Variants in GRM7 observed in about 807,000 individuals in gnomAD.
GRM7 encodes metabotropic glutamate receptor 7.
A neutral mutation model predicts 84.5 loss-of-function variants in GRM7; 35 were observed. The ratio of observed to expected loss-of-function variants is 0.41; its 90% confidence interval spans 0.32 to 0.55. The LOEUF (loss-of-function observed/expected upper bound fraction) is 0.55, where lower values mean the gene tolerates loss of function less well. GRM7 is among the 20% of genes least tolerant of loss of function. The probability of loss-of-function intolerance (pLI) is 0.19; values close to 1 mark genes in which losing one functional copy is unlikely to be tolerated. For synonymous variants in GRM7, 487 were observed against 455.1 expected, an observed-to-expected ratio of 1.07 and a Z score of -0.89; for missense variants, 1,003 against 1,194.6, an observed-to-expected ratio of 0.84 and a Z score of 2.36.
chr3:6,988,695 T>A (rs535990318), intron 1 of GRM7, among the ~76,000 whole-genome samples: 1 of 152,330 alleles, frequency 6.6e-6, no homozygotes, highest in Admixed American at 6.5e-5. Context: ...AGCCTTAAAA[T>A]TTACTTGTCA....
chr3:7,300,229 C>T, intron 3 of GRM7, among the ~76,000 whole-genome samples: 1 of 152,204 alleles, frequency 6.6e-6, no homozygotes, highest in South Asian at 2.1e-4. Context: ...GTTTAATGGC[C>T]TGGGCCCTTA....
At chr3:7,317,526 C>T (rs867603341) in intron 4 of GRM7, among the ~76,000 whole-genome samples, 14 of 152,070 alleles carry the variant, frequency 9.2e-5, no homozygotes, top group Admixed American at 2.0e-4. Flanking sequence ...CAATTTACTT[C>T]TAGTCCTATA....
chr3:7,074,701 C>G (rs188097006), intron 1 of GRM7, among the ~76,000 whole-genome samples: 31 of 152,096 alleles, frequency 2.0e-4, no homozygotes, highest in Non-Finnish European at 1.2e-4. Context: ...AAAACAAGAA[C>G]AAAAATCTGG....
chr3:7,722,281 G>T (rs1485685886), intron 9 of GRM7, among the ~76,000 whole-genome samples: 1 of 152,138 alleles, frequency 6.6e-6, no homozygotes, highest in Non-Finnish European at 1.5e-5. Flanking sequence ...ACCAAGTCCT[G>T]TTCTAGTTCG....
intron 8 of GRM7, among the ~76,000 whole-genome samples, chr3:7,623,028 C>T (rs1697433761): frequency 1.3e-5 from 2 of 152,166 alleles, no homozygotes; most frequent in Non-Finnish European, 2.9e-5. Flanking sequence ...TGCCATGTGG[C>T]AGTCTTTCTT....
intron 9 of GRM7, chr3:7,691,379 C>A (rs944734041): frequency 1.6e-6 from 1 of 620,280 alleles, no homozygotes; most frequent in South Asian, 2.1e-5. Context: ...CTATCTTTTT[C>A]TCTGGTCAAG....
chr3:6,943,857 C>A (rs2125059888), intron 1 of GRM7, among the ~76,000 whole-genome samples: 1 of 152,102 alleles, frequency 6.6e-6, no homozygotes, highest in East Asian at 1.9e-4. Flanking sequence ...TTAATTTCCT[C>A]AGCAATGTTT....
At chr3:7,466,971 A>T (rs1349693435) in intron 7 of GRM7, among the ~76,000 whole-genome samples, 1 of 152,212 alleles carries the variant, frequency 6.6e-6, no homozygotes, top group African/African-American at 2.4e-5. Flanking sequence ...CACAGCAGGC[A>T]TTTGTTATTT....
At position 7,516,476 on chromosome 3, in the gene GRM7, C is replaced by CAAAAAAAA. The variant is rs34508559; in HGVS notation, c.1515+54776_1515+54783dup. 6.6e-4 allele frequency among the ~76,000 whole-genome samples: 28 copies of CAAAAAAAA among 42,466 alleles called. 2 individuals carry two copies. The highest frequency in any genetic ancestry group is 4.9e-4 in the African/African-American group (7 of 14,414). The allele number at this position is 42,466 out of a possible 152,430, so 27.9% of individuals were successfully genotyped here. On this transcript the variant is annotated intron_variant, in intron 7 of 9. Coordinates refer to ENST00000357716, the MANE Select transcript of GRM7 (RefSeq NM_000844.4). ...TGGGCGGCAGAGCGAGACTCCCTCT[C>CAAAAAAAA]AAAAAAAAAAAAAAAAAAAAAAAAA...
intron 8 of GRM7, chr3:7,591,502 C>A (rs541272960): frequency 4.5e-6 from 2 of 441,186 alleles, no homozygotes; most frequent in African/African-American, 4.1e-5. Flanking sequence ...ATATGAATAA[C>A]TTTTCACCCA....
At chr3:7,571,576 T>C (rs531038329) in intron 7 of GRM7, among the ~76,000 whole-genome samples, 32 of 152,344 alleles carry the variant, frequency 2.1e-4, no homozygotes, top group Non-Finnish European at 4.0e-4. Flanking sequence ...CATATCATTA[T>C]CAGCATTTTG....
chr3:7,619,778 G>A (rs1231392433), intron 8 of GRM7, among the ~76,000 whole-genome samples: 1 of 152,100 alleles, frequency 6.6e-6, no homozygotes, highest in Non-Finnish European at 1.5e-5. Context: ...GGACAAGGAA[G>A]GCTTATTGAA....
At chr3:7,400,557 C>T (rs60535760) in intron 4 of GRM7, among the ~76,000 whole-genome samples, 5,700 of 152,248 alleles carry the variant, frequency 0.037, 282 homozygotes, top group African/African-American at 0.11. Context: ...ACAACCACCT[C>T]ACCCTTTGTG....
chr3:7,187,771 C>T (rs1011076738), intron 2 of GRM7, among the ~76,000 whole-genome samples: 18 of 152,104 alleles, frequency 1.2e-4, no homozygotes, highest in African/African-American at 3.4e-4. Context: ...GCAGTAACTC[C>T]GAAGTGTTGT....
intron 3 of GRM7, among the ~76,000 whole-genome samples, chr3:7,301,163 G>GT (rs79297508): frequency 0.47 from 71,893 of 151,718 alleles, 18,702 homozygotes; most frequent in Non-Finnish European, 0.6. Flanking sequence ...TGCTCACGAT[G>GT]TTTTTTTCTC....
At chr3:7,587,725 A>G (rs1481588253) in intron 8 of GRM7, among the ~76,000 whole-genome samples, 1 of 152,186 alleles carries the variant, frequency 6.6e-6, no homozygotes, top group Non-Finnish European at 1.5e-5. Flanking sequence ...TTACCCTGGG[A>G]AGATAGGCAC....
intron 1 of GRM7, among the ~76,000 whole-genome samples, chr3:7,062,850 T>G (rs1424532587): frequency 6.6e-6 from 1 of 151,792 alleles, no homozygotes; most frequent in Non-Finnish European, 1.5e-5. Context: ...ATCTTAGCTG[T>G]GCCTGTTCAT....
chr3:7,482,239 G>A (rs780660377), intron 7 of GRM7, among the ~76,000 whole-genome samples: 1 of 152,090 alleles, frequency 6.6e-6, no homozygotes, highest in African/African-American at 2.4e-5. Flanking sequence ...TTCACACCAT[G>A]GCAGGCAAGT....
Position 7,300,809 on chromosome 3 carries a change from T to C in GRM7, c.878+1984T>C, listed in dbSNP as rs560702292. 7.9e-5 allele frequency among the ~76,000 whole-genome samples: 12 copies of C among 152,300 alleles called. No individual in the cohort carries two copies. In the South Asian group the frequency reaches 2.3e-3, roughly 29 times the overall value. On this transcript the variant is annotated intron_variant, in intron 3 of 9. Coordinates refer to ENST00000357716, the MANE Select transcript of GRM7 (RefSeq NM_000844.4). The stretch of plus-strand genomic sequence containing the variant: ...TTGTTTATGTGAATGGTGCCATTTT[T>C]ATTGTTGGATTGTTTAATTAATGTC...
Sources: gnomAD v4.1 joint callset for allele counts (sites outside exome capture counted in the v4.1 genomes callset) on GRCh38, gnomAD v4.1.1 for gene constraint, MANE v1.5 for transcripts, NCBI Gene and HGNC (gene_info 2026-07-23, HGNC 2026-07-21) for gene names.